CACNA2D3: variants seen among roughly 807,000 people sequenced by gnomAD.
The protein encoded by CACNA2D3 is voltage-dependent calcium channel subunit alpha-2/delta-3.
Under a neutral mutation model 160.6 loss-of-function variants are expected in CACNA2D3, and 60 were observed. The observed-to-expected ratio is 0.37, with a 90% CI of 0.30 to 0.46. CACNA2D3 has a LOEUF of 0.46. CACNA2D3 is among the 20% of genes least tolerant of loss of function. The pLI, the probability that CACNA2D3 is intolerant of heterozygous loss-of-function variation, is 1.00. For missense variants in CACNA2D3, 1,205 were observed against 1,365.0 expected, an observed-to-expected ratio of 0.88 and a Z score of 1.85; for synonymous variants, 558 against 492.9, an observed-to-expected ratio of 1.13 and a Z score of -1.75.
At chr3:55,063,768 T>A (rs1264889467) in intron 35 of CACNA2D3, among the ~76,000 whole-genome samples, 1 of 152,062 alleles carries the variant, frequency 6.6e-6, no homozygotes, top group Non-Finnish European at 1.5e-5. Flanking sequence ...AAAAGAGGGA[T>A]GGGGTGTCAG....
intron 27 of CACNA2D3, among the ~76,000 whole-genome samples, chr3:54,926,078 T>TA (rs976272493): frequency 6.6e-6 from 1 of 152,184 alleles, no homozygotes; most frequent in Non-Finnish European, 1.5e-5. Context: ...CAGTTGAACT[T>TA]ACTTTGATTC....
intron 13 of CACNA2D3, among the ~76,000 whole-genome samples, chr3:54,801,143 C>T (rs565209952): frequency 4.6e-5 from 7 of 152,124 alleles, no homozygotes; most frequent in South Asian, 2.1e-4. Flanking sequence ...CCCAGCACCA[C>T]GCCTGGCTAA....
intron 16 of CACNA2D3, among the ~76,000 whole-genome samples, chr3:54,840,272 G>A (rs1452886326): frequency 6.6e-6 from 1 of 152,040 alleles, no homozygotes; most frequent in African/African-American, 2.4e-5. Flanking sequence ...AATGTGCAGA[G>A]CTCTTTATGG....
chr3:54,578,471 AG>A (rs1329335699), intron 8 of CACNA2D3, among the ~76,000 whole-genome samples: 1 of 152,260 alleles, frequency 6.6e-6, no homozygotes, highest in Non-Finnish European at 1.5e-5. Flanking sequence ...TTCCGTGCAC[AG>A]GGCATCCTTG....
At chr3:54,832,154 A>T (rs891958764) in intron 14 of CACNA2D3, among the ~76,000 whole-genome samples, 3 of 152,088 alleles carry the variant, frequency 2.0e-5, no homozygotes, top group African/African-American at 7.2e-5. Flanking sequence ...ATAGCCATTC[A>T]CAAAGGAGAA....
At chr3:54,480,645 CT>C (rs1700918022) in intron 4 of CACNA2D3, among the ~76,000 whole-genome samples, 1 of 152,064 alleles carries the variant, frequency 6.6e-6, no homozygotes, top group Non-Finnish European at 1.5e-5. Flanking sequence ...ATGATAGTGG[CT>C]GGCCAACTTG....
chr3:54,983,226 G>A (rs1034022046), intron 29 of CACNA2D3, among the ~76,000 whole-genome samples: 10 of 152,212 alleles, frequency 6.6e-5, no homozygotes, highest in Non-Finnish European at 1.5e-4. Context: ...GTCCAAAAGT[G>A]TAGTCACTAA....
chr3:54,822,792 TTTCTTTCTTTCTTTCTTTC>T (rs1703654391), intron 14 of CACNA2D3, among the ~76,000 whole-genome samples: 3 of 59,306 alleles, frequency 5.1e-5, no homozygotes, highest in Admixed American at 1.8e-4. Context: ...CTTTCTTTCC[TTTCTTTCTTTCTTTCTTTC>T]TTTCTTTCTT....
intron 11 of CACNA2D3, among the ~76,000 whole-genome samples, chr3:54,746,214 T>A (rs570162749): frequency 6.6e-6 from 1 of 152,172 alleles, no homozygotes; most frequent in Non-Finnish European, 1.5e-5. Context: ...AGTAATCAGG[T>A]TCCAACCCTT....
intron 4 of CACNA2D3, among the ~76,000 whole-genome samples, chr3:54,452,993 C>T (rs1213065683): frequency 6.6e-6 from 1 of 151,288 alleles, no homozygotes; most frequent in Non-Finnish European, 1.5e-5. Flanking sequence ...TTCTCTCTCT[C>T]TTTCTCCTCT....
At chr3:54,636,747 C>G (rs530218469) in intron 10 of CACNA2D3, among the ~76,000 whole-genome samples, 1 of 151,840 alleles carries the variant, frequency 6.6e-6, no homozygotes, top group African/African-American at 2.4e-5. Context: ...TAATCGGACA[C>G]GATCAGCAGG....
At chr3:54,827,640 A>G (rs1270328545) in intron 14 of CACNA2D3, among the ~76,000 whole-genome samples, 1 of 152,188 alleles carries the variant, frequency 6.6e-6, no homozygotes, top group Non-Finnish European at 1.5e-5. Flanking sequence ...ACATTGATAC[A>G]GGCAAAATAC....
At chr3:54,636,249 C>T (rs942458335) in intron 10 of CACNA2D3, among the ~76,000 whole-genome samples, 2 of 151,820 alleles carry the variant, frequency 1.3e-5, no homozygotes, top group African/African-American at 2.4e-5. Flanking sequence ...ATAAATCAAG[C>T]GTGATCAGGG....
Position 54,864,890 on chromosome 3 carries a change from C to A in CACNA2D3, c.1627-6649C>A, listed in dbSNP as rs538362006. ...GCCTGTCAGCCATGTCACCACGTGACCTGCCTTTCCTGGGTGCTGCGTTTT... is the reference window on the plus strand; with the variant it reads ...GCCTGTCAGCCATGTCACCACGTGAACTGCCTTTCCTGGGTGCTGCGTTTT... On this transcript the variant is annotated intron_variant, in intron 17 of 37. Coordinates refer to ENST00000474759, the MANE Select transcript of CACNA2D3 (RefSeq NM_018398.3). Among the ~76,000 whole-genome samples, 235 of 152,270 alleles carry A rather than the reference C, an allele frequency of 1.5e-3. 1 individual carries two copies. The highest frequency in any genetic ancestry group is 5.2e-3 in the African/African-American group (218 of 41,550).
At chr3:54,789,747 C>A (rs765734204) in intron 13 of CACNA2D3, 46 of 459,134 alleles carry the variant, frequency 1.0e-4, no homozygotes, top group Middle Eastern at 7.2e-4. Flanking sequence ...CTCTAAAGCT[C>A]CTCTAAACCA....
Position 54,945,049 on chromosome 3 carries a change from A to AG in CACNA2D3, c.2450-23400dup, listed in dbSNP as rs1701578520. Among the ~76,000 whole-genome samples the AG allele has an allele frequency of 2.0e-5, 3 of 152,298 alleles. No individual in the cohort carries two copies. The East Asian group carries it at 5.8e-4, about 29-fold the overall frequency. ...CAAACTGGAGAATGGGGAAGATGAC[A>AG]GTAATTCTAGGCCTTGTTTGGGGGC... On this transcript the variant is annotated intron_variant, in intron 27 of 37. Transcript: ENST00000474759.
intron 13 of CACNA2D3, among the ~76,000 whole-genome samples, chr3:54,806,002 AC>A (rs1258653160): frequency 6.6e-6 from 1 of 152,114 alleles, no homozygotes; most frequent in Non-Finnish European, 1.5e-5. Context: ...AAATTCAACA[AC>A]CCTTCATGCT....
At chr3:54,463,052 T>G (rs1484324114) in intron 4 of CACNA2D3, among the ~76,000 whole-genome samples, 1 of 152,024 alleles carries the variant, frequency 6.6e-6, no homozygotes, top group Non-Finnish European at 1.5e-5. Context: ...TTTGGCTGGA[T>G]ATGAAATTCT....
rs1020712919 is a variant in CACNA2D3, at chr3:54,312,322, T to C, written c.205-8120T>C. ...ATGAGAAAATCTAGCCAAGAGACCA[T>C]GTTAACATGCACCCACTCTTTGGCT... On this transcript the variant is annotated intron_variant, in intron 2 of 37. Transcript: ENST00000474759. 2.6e-5 allele frequency among the ~76,000 whole-genome samples: 4 copies of C among 152,296 alleles called. No homozygotes were observed. In the South Asian group the frequency reaches 6.2e-4, roughly 24 times the overall value.
Sources: gnomAD v4.1 joint callset for allele counts (sites outside exome capture counted in the v4.1 genomes callset) on GRCh38, gnomAD v4.1.1 for gene constraint, MANE v1.5 for transcripts, NCBI Gene and HGNC (gene_info 2026-07-23, HGNC 2026-07-21) for gene names.